Variants in GALNT13 observed in about 807,000 individuals in gnomAD.
The protein encoded by GALNT13 is UDP-GalNAc:polypeptide N-acetylgalactosaminyltransferase 13.
A neutral mutation model predicts 64.2 loss-of-function variants in GALNT13; 28 were observed. The observed-to-expected ratio is 0.44, with a 90% CI of 0.32 to 0.60. GALNT13 has a LOEUF of 0.60. Ranked by LOEUF, GALNT13 falls within the 20% of genes least tolerant of loss-of-function variation. The probability of loss-of-function intolerance (pLI) is 0.05; values close to 1 mark genes in which losing one functional copy is unlikely to be tolerated. For synonymous variants in GALNT13, 214 were observed against 224.6 expected (o/e 0.95, Z 0.42); for missense variants, 577 against 669.8 (o/e 0.86, Z 1.53).
chr2:153,851,978 AG>A, the GALNT13 span, among the ~76,000 whole-genome samples: 1 of 152,280 alleles, frequency 6.6e-6, no homozygotes, highest in Admixed American at 6.5e-5. Flanking sequence ...TATTATTTGA[AG>A]GTGAGACATG....
chr2:153,331,440 T>TAC, the GALNT13 span, among the ~76,000 whole-genome samples: 5 of 151,548 alleles, frequency 3.3e-5, no homozygotes, highest in African/African-American at 1.2e-4. Flanking sequence ...AGGATGGAGA[T>TAC]ATATATATAA....
At chr2:153,252,160 A>G in the GALNT13 span, among the ~76,000 whole-genome samples, 1 of 147,676 alleles carries the variant, frequency 6.8e-6, no homozygotes, top group African/African-American at 2.5e-5. Context: ...AATGATTGCC[A>G]TTCTAACTGG....
At chr2:153,090,546 A>G in the GALNT13 span, among the ~76,000 whole-genome samples, 1 of 152,154 alleles carries the variant, frequency 6.6e-6, no homozygotes, top group African/African-American at 2.4e-5. Context: ...TTCTGTCATG[A>G]GTTGCTGTAA....
chr2:154,203,114 A>T (rs572660443), intron 4 of GALNT13, among the ~76,000 whole-genome samples: 117 of 152,194 alleles, frequency 7.7e-4, no homozygotes, highest in Non-Finnish European at 1.5e-3. Context: ...AGAATGTAAA[A>T]CTTATTGTAA....
the GALNT13 span, among the ~76,000 whole-genome samples, chr2:153,090,922 A>T: frequency 6.6e-6 from 1 of 152,114 alleles, no homozygotes; most frequent in Non-Finnish European, 1.5e-5. Flanking sequence ...AAGAGGCCTC[A>T]CCCAGGTCCT....
At chr2:153,345,428 A>AAG in the GALNT13 span, among the ~76,000 whole-genome samples, 3,404 of 152,164 alleles carry the variant, frequency 0.022, 134 homozygotes, top group African/African-American at 0.076. Context: ...GTTTATTCTG[A>AAG]ATGCCTCTGA....
At chr2:154,335,908 T>C (rs1290030234) in intron 9 of GALNT13, among the ~76,000 whole-genome samples, 1 of 152,078 alleles carries the variant, frequency 6.6e-6, no homozygotes, top group Non-Finnish European at 1.5e-5. Flanking sequence ...ACTTTATCTC[T>C]TATATTTCCA....
At chr2:154,021,485 T>A (rs1697488016) in intron 3 of GALNT13, among the ~76,000 whole-genome samples, 1 of 152,228 alleles carries the variant, frequency 6.6e-6, no homozygotes, top group South Asian at 2.1e-4. Flanking sequence ...AATTCACTCA[T>A]GATTTGGCTC....
chr2:154,066,283 TAGAG>T (rs927622739), intron 3 of GALNT13, among the ~76,000 whole-genome samples: 1 of 151,824 alleles, frequency 6.6e-6, no homozygotes, highest in Admixed American at 6.6e-5. Flanking sequence ...AAAGAGAAAG[TAGAG>T]AGAGAGATAG....
the GALNT13 span, among the ~76,000 whole-genome samples, chr2:153,324,033 A>C: frequency 6.6e-6 from 1 of 152,204 alleles, no homozygotes; most frequent in Non-Finnish European, 1.5e-5. Context: ...GAAGAAAGTC[A>C]ATGGTAGCTT....
intron 3 of GALNT13, among the ~76,000 whole-genome samples, chr2:153,959,013 G>A (rs1356110750): frequency 6.6e-6 from 1 of 152,240 alleles, no homozygotes; most frequent in Non-Finnish European, 1.5e-5. Flanking sequence ...GCTTAAGCAA[G>A]GCACTTGTTA....
chr2:154,047,399 T>G (rs1403975083), intron 3 of GALNT13, among the ~76,000 whole-genome samples: 1 of 152,186 alleles, frequency 6.6e-6, no homozygotes, highest in African/African-American at 2.4e-5. Context: ...GCTTCTTTGA[T>G]TAACATGAAT....
chr2:153,646,248 T>A, the GALNT13 span, among the ~76,000 whole-genome samples: 1 of 151,984 alleles, frequency 6.6e-6, no homozygotes, highest in Non-Finnish European at 1.5e-5. Flanking sequence ...CCTTTATAAG[T>A]AATCTTAAGA....
the GALNT13 span, among the ~76,000 whole-genome samples, chr2:153,770,827 C>A: frequency 5.3e-5 from 8 of 152,326 alleles, no homozygotes; most frequent in African/African-American, 1.7e-4. Context: ...TAGGCAGACC[C>A]ACCTACAGGT....
chr2:153,891,548 A>G (rs1228742131), intron 1 of GALNT13, among the ~76,000 whole-genome samples: 2 of 152,078 alleles, frequency 1.3e-5, no homozygotes, highest in South Asian at 2.1e-4. Flanking sequence ...TGCAGGAGAC[A>G]TAAGTCACAG....
chr2:154,228,460 A>C (rs536727883), intron 4 of GALNT13, among the ~76,000 whole-genome samples: 2 of 152,046 alleles, frequency 1.3e-5, no homozygotes, highest in African/African-American at 4.8e-5. Flanking sequence ...TGAGGGAATT[A>C]TTTTCTCTGG....
At chr2:153,649,939 C>A in the GALNT13 span, among the ~76,000 whole-genome samples, 1 of 152,122 alleles carries the variant, frequency 6.6e-6, no homozygotes, top group African/African-American at 2.4e-5. Context: ...AATGTATATT[C>A]TGTTGATTTG....
rs111313435 is a variant in GALNT13, at chr2:154,211,293, G to A, written c.312-30737G>A. Among the ~76,000 whole-genome samples the A allele has an allele frequency of 6.8e-3, 1,030 of 151,786 alleles. 9 individuals carry two copies. Among genetic ancestry groups the A allele is most frequent in the African/African-American group, 0.024 (993 of 41,354 alleles). ...ACTGACTACGGTAGGCAATTGTAAC[G>A]CAGTCATATTTGTGTATCTAAACAT... On this transcript the variant is annotated intron_variant, in intron 4 of 12. Coordinates refer to ENST00000392825, the MANE Select transcript of GALNT13 (RefSeq NM_052917.4).
chr2:153,470,483 G>A, the GALNT13 span, among the ~76,000 whole-genome samples: 3 of 152,044 alleles, frequency 2.0e-5, no homozygotes, highest in South Asian at 4.2e-4. Flanking sequence ...TTTCTGCTGG[G>A]GTTATTAAGT....
Sources: gnomAD v4.1 joint callset for allele counts (sites outside exome capture counted in the v4.1 genomes callset) on GRCh38, gnomAD v4.1.1 for gene constraint, MANE v1.5 for transcripts, NCBI Gene and HGNC (gene_info 2026-07-23, HGNC 2026-07-21) for gene names.